ACSBG2: variants seen among roughly 807,000 people sequenced by gnomAD.
ACSBG2 encodes acyl-CoA synthetase bubblegum family member 2, also known as long-chain-fatty-acid--CoA ligase ACSBG2.
Under a neutral mutation model 74.7 loss-of-function variants are expected in ACSBG2, and 62 were observed. That is an observed-to-expected ratio of 0.83 (90% confidence interval 0.68 to 1.03). ACSBG2 has a LOEUF of 1.03. Ranked by LOEUF, ACSBG2 falls within the 50% of genes least tolerant of loss-of-function variation. The probability of loss-of-function intolerance (pLI) is 0.00; values close to 1 mark genes in which losing one functional copy is unlikely to be tolerated. For synonymous variants in ACSBG2, 309 were observed against 294.1 expected (o/e 1.05, Z -0.52); for missense variants, 730 against 817.6 (o/e 0.89, Z 1.31).
chr19:6,170,291 G>T (rs1439572480), intron 7 of ACSBG2, among the ~76,000 whole-genome samples: 2 of 152,118 alleles, frequency 1.3e-5, no homozygotes, highest in African/African-American at 4.8e-5. Flanking sequence ...TTATCATAAA[G>T]AATGTTGGAT....
At chr19:6,149,667 C>G (rs113163719) in intron 3 of ACSBG2, among the ~76,000 whole-genome samples, 3,567 of 152,200 alleles carry the variant, frequency 0.023, 51 homozygotes, top group South Asian at 0.054. Flanking sequence ...CTGCCACGCC[C>G]GGCTAATTTT....
At chr19:6,171,446 A>C (rs1410096836) in intron 7 of ACSBG2, among the ~76,000 whole-genome samples, 1 of 152,138 alleles carries the variant, frequency 6.6e-6, no homozygotes, top group African/African-American at 2.4e-5. Flanking sequence ...CTTATCTGAG[A>C]AATATTTTAT....
At chr19:6,162,357 A>G (rs138001663) in intron 6 of ACSBG2, among the ~76,000 whole-genome samples, 16,240 of 150,480 alleles carry the variant, frequency 0.11, 1,673 homozygotes, top group African/African-American at 0.27. Context: ...ACGAGGTCAG[A>G]AGATCGAGAC....
At chr19:6,176,039 G>C (rs1281026037) in intron 7 of ACSBG2, 1 of 263,052 alleles carries the variant, frequency 3.8e-6, no homozygotes, top group Admixed American at 5.4e-5. Context: ...TGGACCCAAG[G>C]AAGTCTGCAA....
chr19:6,167,977 A>ACCC (rs1377810301), intron 7 of ACSBG2, among the ~76,000 whole-genome samples: 1 of 28,450 alleles, frequency 3.5e-5, no homozygotes, highest in East Asian at 8.4e-4. Context: ...TCCCACCCTC[A>ACCC]CCCCCACCCC....
intron 11 of ACSBG2, among the ~76,000 whole-genome samples, chr19:6,186,613 A>C (rs142290513): frequency 3.9e-5 from 6 of 152,354 alleles, no homozygotes; most frequent in Admixed American, 6.5e-5. Flanking sequence ...AGTTGGCCAA[A>C]AGGTCAGCTG....
chr19:6,182,672 G>C, intron 8 of ACSBG2, 79 bp from the exon 9 acceptor site: 1 of 1,402,820 alleles, frequency 7.1e-7, no homozygotes, highest in Non-Finnish European at 9.8e-7. Context: ...CTTGGGCAAA[G>C]TTGGGTGGAT....
In ACSBG2 at chr19:6,165,084, A is replaced by T. The variant is rs560186193; in HGVS notation, c.589-782A>T. The stretch of plus-strand genomic sequence containing the variant: ...CCCCAAATGGCTTAAGCAACAAACA[A>T]ACAAAAAGATAATCTGTTGGACCAT... On this transcript the variant is annotated intron_variant, in intron 6 of 14. Transcript: ENST00000588485. Among the ~76,000 whole-genome samples, 3 of 152,286 alleles carry T rather than the reference A, an allele frequency of 2.0e-5. No individual in the cohort carries two copies. The East Asian group carries it at 5.8e-4, about 29-fold the overall frequency.
chr19:6,184,790 T>C lies in ACSBG2; in HGVS notation c.1323-646T>C, dbSNP rs191967389. On this transcript the variant is annotated intron_variant, in intron 10 of 14. Coordinates refer to ENST00000588485, the MANE Select transcript of ACSBG2 (RefSeq NM_030924.5). ...AAAATGAGGGTTTTGTTCCTATCTT[T>C]AAGCCAAAGGCATTTTTTTCTTTGC... is the stretch of plus-strand genomic sequence containing the variant. Among the ~76,000 whole-genome samples, 13 of 125,056 alleles carry C rather than the reference T, an allele frequency of 1.0e-4. 1 individual carries two copies. In the East Asian group the frequency reaches 3.4e-3, roughly 33 times the overall value. The allele number at this position is 125,056 out of a possible 152,430, so 82.0% of individuals were successfully genotyped here. A position where few individuals can be genotyped will look rare whatever the true frequency, so the allele number is the denominator to read the frequency against.
intron 7 of ACSBG2, among the ~76,000 whole-genome samples, chr19:6,167,630 T>TG (rs1351436437): frequency 6.6e-6 from 1 of 152,182 alleles, no homozygotes. Flanking sequence ...CTTAGAAGTT[T>TG]TCTGATTTTT....
rs1449905345 is a variant in ACSBG2 at position 6,193,027 on chromosome 19, T to G, written c.*395T>G. On this transcript the variant is annotated 3_prime_UTR_variant, in exon 15 of 15. Transcript: ENST00000588485. The stretch of plus-strand genomic sequence containing the variant: ...TGAAGAACTGGACCCCCAAATCAAC[T>G]CACCTGCCTGGAAGCAACTGGGAAA... 1 of 152,160 alleles carries G rather than the reference T, an allele frequency of 6.6e-6. No homozygotes were observed. The highest frequency in any genetic ancestry group is 1.5e-5 in the Non-Finnish European group (1 of 68,024). The allele number at this position is 152,160 out of a possible 1,614,324, so 9.4% of individuals were successfully genotyped here.
intron 2 of ACSBG2, among the ~76,000 whole-genome samples, chr19:6,144,997 TTGA>T (rs2088975307): frequency 6.6e-6 from 1 of 152,062 alleles, no homozygotes; most frequent in Non-Finnish European, 1.5e-5. Flanking sequence ...CTGCTGTCTG[TTGA>T]TGACTATCTG....
At chr19:6,176,834 A>C (rs1461882616) in intron 7 of ACSBG2, among the ~76,000 whole-genome samples, 1 of 152,140 alleles carries the variant, frequency 6.6e-6, no homozygotes, top group Non-Finnish European at 1.5e-5. Flanking sequence ...TTACTTAATT[A>C]GTTTATTTAT....
At chr19:6,173,575 G>A (rs532479686) in intron 7 of ACSBG2, among the ~76,000 whole-genome samples, 18 of 152,324 alleles carry the variant, frequency 1.2e-4, no homozygotes, top group South Asian at 6.2e-4. Context: ...CTCAGGAGCT[G>A]ATCTTTGACA....
intron 3 of ACSBG2, among the ~76,000 whole-genome samples, chr19:6,150,061 T>C (rs1280398814): frequency 2.0e-5 from 3 of 151,652 alleles, no homozygotes; most frequent in Non-Finnish European, 4.4e-5. Context: ...GATCACCCAC[T>C]GCACTCCAGC....
Position 6,135,717 on chromosome 19 carries a change from C to T in ACSBG2, c.-224C>T, listed in dbSNP as rs1374537462. The T allele has an allele frequency of 6.6e-6, 1 of 152,302 alleles. No individual in the cohort carries two copies. Among genetic ancestry groups the T allele is most frequent in the Non-Finnish European group, 1.5e-5 (1 of 68,156 alleles). 9.4% of individuals were successfully genotyped at this position (152,302 alleles called of 1,614,324 possible). On this transcript the variant is annotated 5_prime_UTR_variant, in exon 1 of 15. Coordinates refer to ENST00000588485, the MANE Select transcript of ACSBG2 (RefSeq NM_030924.5). ...AGGGAAACCACCCATCCTCCTGCCTCCCACCACCACCATCATCCTGGCTGG... is the reference window on the plus strand; with the variant it reads ...AGGGAAACCACCCATCCTCCTGCCTTCCACCACCACCATCATCCTGGCTGG...
rs557657339 is a variant in ACSBG2, at chr19:6,174,841, G to C, written c.739-2388G>C. On this transcript the variant is annotated intron_variant, in intron 7 of 14. Coordinates refer to ENST00000588485, the MANE Select transcript of ACSBG2 (RefSeq NM_030924.5). This position sits in a 1 kb window ranked among gnomAD's most constrained non-coding sequence, Gnocchi z 4.2. The stretch of plus-strand genomic sequence containing the variant: ...ATCATCTTTACAGCAAGAAGTTAAA[G>C]GTAGCCTTAGATTCTTGCCAGATGT... Among the ~76,000 whole-genome samples the C allele has an allele frequency of 6.6e-6, 1 of 152,220 alleles. No homozygotes were observed. The highest frequency in any genetic ancestry group is 6.5e-5 in the Admixed American group (1 of 15,288).
At chr19:6,183,502 C>T (rs146405976) in intron 10 of ACSBG2, among the ~76,000 whole-genome samples, 379 of 152,274 alleles carry the variant, frequency 2.5e-3, no homozygotes, top group Non-Finnish European at 3.7e-3. Flanking sequence ...ATGGTCTCCC[C>T]GTTTGTCACT....
intron 5 of ACSBG2, chr19:6,160,751 C>G (rs1271091235): frequency 6.4e-6 from 1 of 155,240 alleles, no homozygotes; most frequent in African/African-American, 2.4e-5. Context: ...GAAACCAAGT[C>G]ATTTGGAGTC....
Sources: gnomAD v4.1 joint callset for allele counts (sites outside exome capture counted in the v4.1 genomes callset) on GRCh38, gnomAD v4.1.1 for gene constraint, Gnocchi (gnomAD v3.1) non-coding constraint, MANE v1.5 for transcripts, NCBI Gene and HGNC (gene_info 2026-07-23, HGNC 2026-07-21) for gene names.